The following LMNTD1 variants were observed in gnomAD, a reference collection of about 807,000 sequenced individuals.
LMNTD1 encodes the protein lamin tail domain-containing protein 1.
LMNTD1 carries 35 observed loss-of-function variants against 50.9 expected under a neutral mutation model. The observed-to-expected ratio is 0.69, with a 90% confidence interval of 0.53 to 0.91. The LOEUF is 0.91. LMNTD1 is among the 40% of genes least tolerant of loss of function. LMNTD1 has a pLI of 0.00. For synonymous variants in LMNTD1, 153 were observed against 161.9 expected (o/e 0.94, Z 0.42); for missense variants, 470 against 475.5 (o/e 0.99, Z 0.11).
chr12:25,510,314 C>A (rs536484916), intron 8 of LMNTD1, among the ~76,000 whole-genome samples: 84 of 151,646 alleles, frequency 5.5e-4, no homozygotes, highest in African/African-American at 1.9e-3. Context: ...CAATATAGAA[C>A]TCAGGATTAG....
intron 1 of LMNTD1, among the ~76,000 whole-genome samples, chr12:25,626,182 G>A (rs10505962): frequency 0.1 from 15,596 of 152,146 alleles, 1,147 homozygotes; most frequent in African/African-American, 0.19. Flanking sequence ...TTCTAAACAA[G>A]CAATATCAAA....
At chr12:25,530,301 C>T (rs1285570387) in intron 4 of LMNTD1, among the ~76,000 whole-genome samples, 1 of 152,134 alleles carries the variant, frequency 6.6e-6, no homozygotes, top group Non-Finnish European at 1.5e-5. Context: ...GTATAGTTTA[C>T]ATTTCTAAAA....
chr12:25,638,060 T>C (rs1946873696), intron 1 of LMNTD1, among the ~76,000 whole-genome samples: 1 of 151,942 alleles, frequency 6.6e-6, no homozygotes, highest in Non-Finnish European at 1.5e-5. Context: ...TAATTTAATA[T>C]ACCACATTAA....
At chr12:25,605,909 A>G (rs1004643289) in intron 1 of LMNTD1, among the ~76,000 whole-genome samples, 9 of 152,186 alleles carry the variant, frequency 5.9e-5, no homozygotes, top group African/African-American at 1.9e-4. Flanking sequence ...CATTGAATCT[A>G]TAAATTACCT....
chr12:25,564,628 GATTT>G (rs1293553711), intron 1 of LMNTD1, among the ~76,000 whole-genome samples: 2 of 152,130 alleles, frequency 1.3e-5, no homozygotes, highest in African/African-American at 4.8e-5. Flanking sequence ...AATGTTTTAA[GATTT>G]GTTTTGTGAC....
At chr12:25,507,497 CTCATT>C (rs955408228) in intron 8 of LMNTD1, among the ~76,000 whole-genome samples, 1 of 152,194 alleles carries the variant, frequency 6.6e-6, no homozygotes, top group African/African-American at 2.4e-5. Flanking sequence ...GTATTTCTCT[CTCATT>C]TAACAGTCTG....
intron 1 of LMNTD1, among the ~76,000 whole-genome samples, chr12:25,624,006 C>T (rs1592115636): frequency 1.3e-5 from 2 of 152,288 alleles, no homozygotes; most frequent in South Asian, 2.1e-4. Flanking sequence ...ATGATGTGTG[C>T]ACATAGGTAT....
chr12:25,633,545 A>G (rs1421973643), intron 1 of LMNTD1, among the ~76,000 whole-genome samples: 1 of 152,228 alleles, frequency 6.6e-6, no homozygotes. Context: ...AAGCAAACAC[A>G]AGGAAATTAA....
intron 1 of LMNTD1, among the ~76,000 whole-genome samples, chr12:25,615,461 T>A (rs929540029): frequency 7.3e-6 from 1 of 137,928 alleles, no homozygotes; most frequent in African/African-American, 3.3e-5. Context: ...AATTTTTTAA[T>A]TTTTTTTTTT....
At chr12:25,530,752 A>G (rs116701371) in intron 4 of LMNTD1, among the ~76,000 whole-genome samples, 185 of 152,312 alleles carry the variant, frequency 1.2e-3, no homozygotes, top group African/African-American at 4.3e-3. Context: ...GGTAAGCAAA[A>G]TAGCTGTCCA....
At chr12:25,534,486 C>A (rs1942437695) in intron 4 of LMNTD1, among the ~76,000 whole-genome samples, 2 of 152,104 alleles carry the variant, frequency 1.3e-5, no homozygotes, top group South Asian at 2.1e-4. Context: ...TCCTCTCTGA[C>A]TTGAGGAGAT....
intron 1 of LMNTD1, among the ~76,000 whole-genome samples, chr12:25,638,893 T>C (rs1946891952): frequency 6.6e-6 from 1 of 152,150 alleles, no homozygotes; most frequent in African/African-American, 2.4e-5. Flanking sequence ...AGAACAAAGT[T>C]GGAGGACTCC....
intron 6 of LMNTD1, among the ~76,000 whole-genome samples, chr12:25,522,580 A>G (rs574588561): frequency 2.0e-5 from 3 of 152,134 alleles, no homozygotes; most frequent in African/African-American, 7.2e-5. Flanking sequence ...TTTCCCCAAG[A>G]TACTGAAACA....
chr12:25,610,971 A>G (rs1254940478), intron 1 of LMNTD1, among the ~76,000 whole-genome samples: 2 of 152,184 alleles, frequency 1.3e-5, no homozygotes, highest in Admixed American at 6.5e-5. Context: ...GAGATTCTCA[A>G]GTAACGTCTT....
chr12:25,529,411 ACCCC>A (rs569877921), intron 4 of LMNTD1, among the ~76,000 whole-genome samples: 215 of 152,294 alleles, frequency 1.4e-3, no homozygotes, highest in African/African-American at 5.0e-3. Flanking sequence ...CTCAAAAGGT[ACCCC>A]TGAACTCATC....
At chr12:25,485,015 T>C (rs1429428809) in intron 9 of LMNTD1, among the ~76,000 whole-genome samples, 1 of 152,064 alleles carries the variant, frequency 6.6e-6, no homozygotes, top group African/African-American at 2.4e-5. Context: ...TTTGGGTATA[T>C]ACCCAGTAAT....
intron 7 of LMNTD1, among the ~76,000 whole-genome samples, 189 bp downstream of exon 7, chr12:25,519,667 CTA>C (rs1187225984): frequency 6.6e-6 from 1 of 151,404 alleles, no homozygotes; most frequent in Non-Finnish European, 1.5e-5. Flanking sequence ...CTTCATTGCC[CTA>C]TGAGTATTTA....
intron 9 of LMNTD1, among the ~76,000 whole-genome samples, chr12:25,489,041 CAG>C (rs1258359101): frequency 6.6e-6 from 1 of 152,146 alleles, no homozygotes; most frequent in Non-Finnish European, 1.5e-5. Context: ...AGCTGTCAGA[CAG>C]GGACATTTAA....
At chr12:25,613,013 A>T (rs1354625621) in intron 1 of LMNTD1, among the ~76,000 whole-genome samples, 1 of 152,202 alleles carries the variant, frequency 6.6e-6, no homozygotes, top group African/African-American at 2.4e-5. Flanking sequence ...GAGCAATGTC[A>T]TGAGCCATGG....
Sources: allele counts gnomAD v4.1 joint callset (sites outside exome capture counted in the v4.1 genomes callset), GRCh38; gene constraint gnomAD v4.1.1; transcripts MANE v1.5; gene names NCBI Gene and HGNC (gene_info 2026-07-23, HGNC 2026-07-21).